Variants in ELP4 observed in about 807,000 individuals in gnomAD.
ELP4 encodes elongator acetyltransferase complex subunit 4.
A neutral mutation model predicts 48.9 loss-of-function variants in ELP4; 51 were observed. The observed-to-expected ratio is 1.04, with a 90% CI of 0.83 to 1.32. The LOEUF (loss-of-function observed/expected upper bound fraction) is 1.32. Ranked by LOEUF, ELP4 falls within the 40% of genes most tolerant of loss-of-function variation. ELP4 has a pLI of 0.00. For synonymous variants in ELP4, 210 were observed against 189.2 expected (o/e 1.11, Z -0.90); for missense variants, 519 against 514.6 (o/e 1.01, Z -0.08).
intron 9 of ELP4, among the ~76,000 whole-genome samples, chr11:31,730,720 A>T (rs913170480): frequency 2.6e-5 from 4 of 152,212 alleles, no homozygotes; most frequent in Non-Finnish European, 5.9e-5. Flanking sequence ...ACACAGGAAA[A>T]TACAACTTGG....
intron 9 of ELP4, among the ~76,000 whole-genome samples, chr11:31,738,210 C>T (rs1392291894): frequency 8.9e-6 from 1 of 112,888 alleles, no homozygotes; most frequent in Non-Finnish European, 1.7e-5. Context: ...TTCTGGGCAA[C>T]ATGGCAAAAC....
intron 9 of ELP4, among the ~76,000 whole-genome samples, chr11:31,727,051 T>G (rs2134194797): frequency 6.6e-6 from 1 of 152,130 alleles, no homozygotes; most frequent in East Asian, 1.9e-4. Flanking sequence ...TTTCATAATT[T>G]TATAGTCATC....
intron 4 of ELP4, among the ~76,000 whole-genome samples, chr11:31,595,847 T>C (rs1957661945): frequency 6.6e-6 from 1 of 152,212 alleles, no homozygotes; most frequent in Admixed American, 6.5e-5. Flanking sequence ...AAATTTAAGA[T>C]TGTATGTATA....
At chr11:31,517,616 C>T (rs1352880554) in intron 1 of ELP4, among the ~76,000 whole-genome samples, 1 of 151,788 alleles carries the variant, frequency 6.6e-6, no homozygotes, top group Non-Finnish European at 1.5e-5. Context: ...TGTCCAACAA[C>T]TTTGAGTAAT....
At chr11:31,686,474 G>T (rs1946163936) in intron 9 of ELP4, among the ~76,000 whole-genome samples, 2 of 152,112 alleles carry the variant, frequency 1.3e-5, no homozygotes, top group African/African-American at 4.8e-5. Context: ...CCCTCTGAGA[G>T]AGGCAGATCA....
intron 3 of ELP4, among the ~76,000 whole-genome samples, chr11:31,566,528 A>G (rs1380603007): frequency 6.6e-6 from 1 of 152,210 alleles, no homozygotes; most frequent in African/African-American, 2.4e-5. Context: ...AAGAGTTACC[A>G]GGTAGTCACA....
chr11:31,515,029 GTGTGTA>G (rs1238290355), intron 1 of ELP4, among the ~76,000 whole-genome samples: 67 of 132,756 alleles, frequency 5.0e-4, no homozygotes, highest in African/African-American at 1.4e-3. Context: ...GTGTGTGTGT[GTGTGTA>G]TATATATATA....
intron 5 of ELP4, 42 bp from the exon 6 acceptor site, chr11:31,627,068 A>G: frequency 9.1e-7 from 1 of 1,101,326 alleles, no homozygotes; most frequent in Non-Finnish European, 1.4e-6. Context: ...CTTCTTATGT[A>G]ATAACCCATT....
chr11:31,781,543 G>T (rs1948378009), intron 9 of ELP4, among the ~76,000 whole-genome samples: 1 of 113,764 alleles, frequency 8.8e-6, no homozygotes, highest in Non-Finnish European at 1.6e-5. Flanking sequence ...TCTATTGCCA[G>T]ACTGGAGTGC....
intron 9 of ELP4, among the ~76,000 whole-genome samples, chr11:31,712,829 A>G (rs1265351713): frequency 6.6e-6 from 1 of 152,208 alleles, no homozygotes; most frequent in African/African-American, 2.4e-5. Context: ...CTTTCTAATT[A>G]GAATGTAAAT....
At chr11:31,552,456 C>T (rs1956868311) in intron 3 of ELP4, among the ~76,000 whole-genome samples, 1 of 152,102 alleles carries the variant, frequency 6.6e-6, no homozygotes, top group Admixed American at 6.6e-5. Flanking sequence ...AGATCTCAAA[C>T]ATCACATGTT....
intron 9 of ELP4, among the ~76,000 whole-genome samples, chr11:31,717,703 G>A (rs995072500): frequency 6.6e-5 from 10 of 151,032 alleles, no homozygotes; most frequent in South Asian, 2.1e-4. Context: ...GCAATGAGCC[G>A]AGATTGCGCC....
intron 5 of ELP4, among the ~76,000 whole-genome samples, chr11:31,609,157 G>A (rs1337747761): frequency 6.6e-6 from 1 of 152,146 alleles, no homozygotes; most frequent in Admixed American, 6.5e-5. Context: ...GGCCTTCTTG[G>A]CTGCATTTAA....
intron 9 of ELP4, among the ~76,000 whole-genome samples, chr11:31,695,590 G>A (rs1012428243): frequency 6.6e-6 from 1 of 150,964 alleles, no homozygotes; most frequent in African/African-American, 2.4e-5. Context: ...CTGCATAGAT[G>A]TTCATCAGGG....
At chr11:31,732,986 C>T (rs558285577) in intron 9 of ELP4, among the ~76,000 whole-genome samples, 43 of 151,998 alleles carry the variant, frequency 2.8e-4, no homozygotes, top group African/African-American at 1.0e-3. Flanking sequence ...GATTTCATAC[C>T]CCACTTTAAA....
intron 9 of ELP4, among the ~76,000 whole-genome samples, chr11:31,705,023 A>T (rs886245525): frequency 3.3e-5 from 5 of 151,878 alleles, no homozygotes; most frequent in Admixed American, 6.6e-5. Flanking sequence ...AAAAAAAAAA[A>T]ATTATATAGT....
rs545077142 is a variant in ELP4 at position 31,509,802 on chromosome 11, C to A, written c.18C>A (p.Thr6=). The part of the protein sequence containing the change: MAAVA[T]CGSVAASTGS... Reference sequence around the variant, plus strand: ...GCTCTAAGATGGCGGCAGTGGCAACCTGCGGTAGTGTTGCCGCGAGTACTG... The same window carrying A: ...GCTCTAAGATGGCGGCAGTGGCAACATGCGGTAGTGTTGCCGCGAGTACTG... The change falls in exon 1 of 10, where the codon ACC becomes ACA. Residue 6 remains threonine, a synonymous_variant. Transcript: ENST00000640961. The A allele has an allele frequency of 6.2e-7, 1 of 1,614,142 alleles. No individual in the cohort carries two copies. Among genetic ancestry groups the A allele is most frequent in the East Asian group, 2.2e-5 (1 of 44,872 alleles).
intron 9 of ELP4, among the ~76,000 whole-genome samples, chr11:31,707,753 G>T (rs1226758733): frequency 1.3e-5 from 2 of 152,080 alleles, no homozygotes; most frequent in Non-Finnish European, 2.9e-5. Flanking sequence ...GTTCCTTCTG[G>T]AAGCTTTACA....
intron 9 of ELP4, among the ~76,000 whole-genome samples, chr11:31,680,050 G>A (rs77332904): frequency 6.6e-6 from 1 of 151,986 alleles, no homozygotes; most frequent in Non-Finnish European, 1.5e-5. Context: ...TTTTACTTGG[G>A]TAAGTTGTGA....
Sources: gnomAD v4.1 joint callset for allele counts (sites outside exome capture counted in the v4.1 genomes callset) on GRCh38, gnomAD v4.1.1 for gene constraint, MANE v1.5 for transcripts, NCBI Gene and HGNC (gene_info 2026-07-23, HGNC 2026-07-21) for gene names.